Variants in BEST1 observed in about 807,000 individuals in gnomAD.
BEST1 encodes the protein bestrophin 1.
A neutral mutation model predicts 63.3 loss-of-function variants in BEST1; 58 were observed. That is an observed-to-expected ratio of 0.92 (90% CI 0.74 to 1.14). The LOEUF is 1.14. Among genes scored for constraint, BEST1 ranks in the 50% most tolerant of loss-of-function variants. The pLI, the probability that BEST1 is intolerant of heterozygous loss-of-function variation, is 0.00. For synonymous variants in BEST1, 283 were observed against 291.6 expected, an observed-to-expected ratio of 0.97 and a Z score of 0.30; for missense variants, 671 against 740.1, an observed-to-expected ratio of 0.91 and a Z score of 1.08.
Position 61,951,827 on chromosome 11 carries a change from CCAA to C in BEST1, c.22_24del (p.Gln8del). 3 of 1,613,168 alleles carry C rather than the reference CCAA, an allele frequency of 1.9e-6. No individual in the cohort carries two copies. The highest frequency in any genetic ancestry group is 2.5e-6 in the Non-Finnish European group (3 of 1,180,020). ...TGGCCATGACCATCACTTACACAAG[CCAA>C]GTGGCTAATGCCCGCTTAGGCTCCT... On this transcript the variant is annotated inframe_deletion, in exon 2 of 11. Transcript: ENST00000378043.
chr11:61,957,899 G>A (rs1207061700), intron 6 of BEST1, among the ~76,000 whole-genome samples: 6 of 152,026 alleles, frequency 3.9e-5, no homozygotes, highest in Admixed American at 1.3e-4. Context: ...GCTTGAACCC[G>A]GGAGGTGGAG....
intron 10 of BEST1, chr11:61,963,107 G>T (rs1436826433): frequency 2.7e-6 from 4 of 1,463,182 alleles, no homozygotes; most frequent in East Asian, 2.5e-5. Flanking sequence ...CTTCACCCTG[G>T]TATCACCCGG....
downstream of BEST1, chr11:61,965,449 G>A: frequency 6.2e-7 from 1 of 1,611,700 alleles, no homozygotes; most frequent in Non-Finnish European, 8.5e-7. Context: ...CTCTCCTCAT[G>A]AGATTGGTGA....
intron 6 of BEST1, 88 bp downstream of exon 6, chr11:61,957,552 GA>G: frequency 7.8e-7 from 1 of 1,281,510 alleles, no homozygotes; most frequent in Non-Finnish European, 1.1e-6. Context: ...GGCTCACCTA[GA>G]GGCTAAGTGG....
At chr11:61,963,950 G>A (rs1942340036) in intron 10 of BEST1, 154 bp from the exon 11 acceptor site, 3 of 1,472,950 alleles carry the variant, frequency 2.0e-6, no homozygotes, top group African/African-American at 1.4e-5. Context: ...GTGAGATTGA[G>A]CAACTGCAAT....
At chr11:61,951,460 C>T (rs1265384807) in intron 1 of BEST1, among the ~76,000 whole-genome samples, 1 of 152,140 alleles carries the variant, frequency 6.6e-6, no homozygotes, top group African/African-American at 2.4e-5. Flanking sequence ...CCACCTGCCT[C>T]GACTTCCCAA....
intron 10 of BEST1, chr11:61,963,579 G>T (rs897349097): frequency 2.9e-6 from 3 of 1,026,460 alleles, no homozygotes; most frequent in Admixed American, 5.0e-5. Context: ...GTGGGAGGAA[G>T]TGTAACTTCC....
intron 7 of BEST1, 79 bp downstream of exon 7, chr11:61,958,377 C>A (rs1277945469): frequency 6.2e-7 from 1 of 1,607,562 alleles, no homozygotes; most frequent in East Asian, 2.2e-5. Flanking sequence ...GACGAGGATG[C>A]AGTGTCAGGA....
chr11:61,960,408 T>C (rs1941942684), intron 9 of BEST1: 2 of 318,044 alleles, frequency 6.3e-6, no homozygotes, highest in Non-Finnish European at 1.2e-5. Context: ...TCTCGCTCTG[T>C]CGCCCAGGTT....
In BEST1 at chr11:61,962,684, G is replaced by A. The variant is rs17854139; in HGVS notation, c.1530G>A (p.Lys510=). Residue 510 remains lysine (K), a synonymous_variant, in exon 10 of 11, where the codon AAG becomes AAA. Coordinates refer to ENST00000378043, the MANE Select transcript of BEST1 (RefSeq NM_004183.4). ...KSLKTVSSGA[K]KSFELLSESD... ...TAAAGACTGTGAGTTCTGGGGCCAAGAAAAGTTTTGAATTGCTCTCAGAGA... is the reference window on the plus strand; with the variant it reads ...TAAAGACTGTGAGTTCTGGGGCCAAAAAAAGTTTTGAATTGCTCTCAGAGA... The A allele has an allele frequency of 6.2e-7, 1 of 1,614,228 alleles. No homozygotes were observed. Among genetic ancestry groups the A allele is most frequent in the Non-Finnish European group, 8.5e-7 (1 of 1,180,048 alleles).
chr11:61,959,810 G>A, intron 8 of BEST1, 82 bp from the exon 9 acceptor site: 5 of 1,571,626 alleles, frequency 3.2e-6, no homozygotes, highest in Non-Finnish European at 4.3e-6. Context: ...GAGAGGGAGA[G>A]ATTCCTCCAA....
intron 7 of BEST1, chr11:61,958,918 ACACACGC>A: frequency 1.3e-5 from 1 of 78,806 alleles, no homozygotes; most frequent in African/African-American, 3.5e-5. Flanking sequence ...ACACACACAC[ACACACGC>A]ATTCCTATTC....
chr11:61,956,073 G>A, intron 4 of BEST1, 122 bp downstream of exon 4: 2 of 1,032,604 alleles, frequency 1.9e-6, no homozygotes, highest in South Asian at 1.6e-5. Flanking sequence ...GTGGAGCCAG[G>A]AGTGGGGTGT....
In BEST1 at chr11:61,964,370, A is replaced by T; in HGVS notation, c.*248A>T. ...CATTTAACTCAGACTCTGGATTCAGAGTCGGGAACCCTTAGTTCTATCTGA... is the reference window on the plus strand; with the variant it reads ...CATTTAACTCAGACTCTGGATTCAGTGTCGGGAACCCTTAGTTCTATCTGA... On this transcript the variant is annotated 3_prime_UTR_variant, in exon 11 of 11. Coordinates refer to ENST00000378043, the MANE Select transcript of BEST1 (RefSeq NM_004183.4). 2 of 759,134 alleles carry T rather than the reference A, an allele frequency of 2.6e-6. No individual in the cohort carries two copies. The highest frequency in any genetic ancestry group is 4.1e-6 in the Non-Finnish European group (2 of 482,926). 47.0% of individuals were successfully genotyped at this position (759,134 alleles called of 1,614,324 possible).
rs1290155841 is a variant in BEST1 at position 61,955,769 on chromosome 11, TGCCGTGGCCCGACCGCCTCATGA to T, written c.303_325del (p.Trp102GlyfsTer122). ...CGCTGGTGGAACCAGTACGAGAACC[TGCCGTGGCCCGACCGCCTCATGA>T]GCCTGGTGTCGGGCTTCGTCGAAGG... On this transcript the variant is annotated frameshift_variant, in exon 4 of 11. Transcript: ENST00000378043. LOFTEE classifies it high-confidence loss of function. 6.5e-7 allele frequency: 1 copy of T among 1,538,288 alleles called. No homozygotes were observed. Among genetic ancestry groups the T allele is most frequent in the East Asian group, 2.5e-5 (1 of 40,178 alleles).
At chr11:61,959,851 G>A (rs775281139) in intron 8 of BEST1, 41 bp from the exon 9 acceptor site, 79 of 1,611,258 alleles carry the variant, frequency 4.9e-5, no homozygotes, top group Non-Finnish European at 6.3e-5. Flanking sequence ...TCCTGCCTGG[G>A]ATGATCTTTC....
At position 61,956,971 on chromosome 11, in the gene BEST1, C is replaced by T; in HGVS notation, c.609C>T (p.Asp203=). 1 of 1,614,132 alleles carries T rather than the reference C, an allele frequency of 6.2e-7. No homozygotes were observed. Among genetic ancestry groups the T allele is most frequent in the Non-Finnish European group, 8.5e-7 (1 of 1,180,034 alleles). The part of the protein sequence containing the change: ...MKAWLGGRIR[D]PILLQSLLNE... ...CGTGGCTTGGAGGTCGAATCCGGGA[C>T]CCTATCCTGCTCCAGAGCCTGCTGA... The change falls in exon 5 of 11, where the codon GAC becomes GAT. Residue 203 remains aspartate (D), a synonymous_variant. Transcript: ENST00000378043.
intron 10 of BEST1, 103 bp from the exon 11 acceptor site, chr11:61,964,001 A>G: frequency 1.3e-6 from 2 of 1,537,606 alleles, no homozygotes. Context: ...AAAAAAAAAA[A>G]AAAAAGGATC....
intron 6 of BEST1, 109 bp downstream of exon 6, chr11:61,957,573 G>T (rs1941521563): frequency 1.9e-6 from 2 of 1,045,246 alleles, no homozygotes; most frequent in South Asian, 1.3e-5. Flanking sequence ...GCTCCCCTGG[G>T]AGTTGGGTCC....
Sources: allele counts gnomAD v4.1 joint callset (sites outside exome capture counted in the v4.1 genomes callset), GRCh38; gene constraint gnomAD v4.1.1; transcripts MANE v1.5; gene names NCBI Gene and HGNC (gene_info 2026-07-23, HGNC 2026-07-21).